KIAA0825: variants seen among roughly 807,000 people sequenced by gnomAD.
The protein encoded by KIAA0825 is uncharacterized protein KIAA0825.
In KIAA0825, 119 loss-of-function variants were observed where a neutral mutation model predicts 147.6. That is an observed-to-expected ratio of 0.81 (90% CI 0.69 to 0.94). The LOEUF is 0.94. KIAA0825 is among the 40% of genes least tolerant of loss of function. The pLI is 0.00. For missense variants in KIAA0825, 1,381 were observed against 1,472.7 expected (o/e 0.94, Z 1.02); for synonymous variants, 470 against 518.1 (o/e 0.91, Z 1.26).
At chr5:94,597,670 G>C (rs1246816568) in intron 1 of KIAA0825, among the ~76,000 whole-genome samples, 1 of 152,084 alleles carries the variant, frequency 6.6e-6, no homozygotes, top group Non-Finnish European at 1.5e-5. Flanking sequence ...ATTCTGAGAA[G>C]TGCATCATTA....
intron 5 of KIAA0825, among the ~76,000 whole-genome samples, chr5:94,501,802 C>T (rs1245853502): frequency 1.3e-5 from 2 of 151,724 alleles, no homozygotes; most frequent in African/African-American, 2.4e-5. Flanking sequence ...CTCTCTGGTC[C>T]GGGAATATCA....
At chr5:94,292,330 T>C (rs1777936331) in intron 20 of KIAA0825, among the ~76,000 whole-genome samples, 1 of 152,220 alleles carries the variant, frequency 6.6e-6, no homozygotes, top group African/African-American at 2.4e-5. Flanking sequence ...GCTGCTGAAT[T>C]TTATCAAAGG....
chr5:94,206,193 C>T (rs1284856807), intron 20 of KIAA0825, among the ~76,000 whole-genome samples: 1 of 152,052 alleles, frequency 6.6e-6, no homozygotes, highest in African/African-American at 2.4e-5. Context: ...TTTTTATTGC[C>T]TTTAATGAGG....
intron 19 of KIAA0825, among the ~76,000 whole-genome samples, 182 bp downstream of exon 19, chr5:94,386,060 C>T (rs1045683089): frequency 9.2e-5 from 14 of 151,920 alleles, no homozygotes; most frequent in African/African-American, 3.4e-4. Context: ...ATCAGTTTGA[C>T]AAATAGAAAA....
At chr5:94,425,917 G>T (rs1754795268) in intron 14 of KIAA0825, among the ~76,000 whole-genome samples, 1 of 151,940 alleles carries the variant, frequency 6.6e-6, no homozygotes, top group African/African-American at 2.4e-5. Flanking sequence ...TTTGAGAAAT[G>T]ACTCCCTAAA....
chr5:94,322,311 C>A (rs1780265592), intron 20 of KIAA0825, among the ~76,000 whole-genome samples: 1 of 151,398 alleles, frequency 6.6e-6, no homozygotes, highest in African/African-American at 2.4e-5. Context: ...GGTAAATAAC[C>A]TAAAAATCAG....
intron 12 of KIAA0825, among the ~76,000 whole-genome samples, chr5:94,458,823 A>C (rs1438053095): frequency 6.6e-6 from 1 of 152,024 alleles, no homozygotes; most frequent in Non-Finnish European, 1.5e-5. Context: ...AACTTTATTG[A>C]GATGTATAAT....
intron 4 of KIAA0825, among the ~76,000 whole-genome samples, chr5:94,523,605 T>C (rs923646009): frequency 1.3e-5 from 2 of 151,568 alleles, no homozygotes; most frequent in African/African-American, 2.4e-5. Context: ...ATAATGAATA[T>C]GAACTTTTCT....
At chr5:94,547,278 G>C (rs948219901) in intron 2 of KIAA0825, among the ~76,000 whole-genome samples, 1 of 151,766 alleles carries the variant, frequency 6.6e-6, no homozygotes, top group Non-Finnish European at 1.5e-5. Flanking sequence ...GAAAGAAAGG[G>C]GCAGAAAGTT....
Position 94,153,427 on chromosome 5 carries a change from A to C in KIAA0825, c.*580T>G, listed in dbSNP as rs1766746816. The C allele has an allele frequency of 6.6e-6, 1 of 152,104 alleles. No homozygotes were observed. 9.4% of individuals were successfully genotyped at this position (152,104 alleles called of 1,614,324 possible). A position where few individuals can be genotyped will look rare whatever the true frequency, so the allele number is the denominator to read the frequency against. On this transcript the variant is annotated 3_prime_UTR_variant, in exon 21 of 21. Transcript: ENST00000682413. The stretch of plus-strand genomic sequence containing the variant: ...ATGAGTAGAAATTTGATTCTGGTTT[A>C]GGAGGAAGACTGAAAACCACTACAA...
At chr5:94,238,316 G>A (rs1353229072) in intron 20 of KIAA0825, among the ~76,000 whole-genome samples, 1 of 152,154 alleles carries the variant, frequency 6.6e-6, no homozygotes, top group Non-Finnish European at 1.5e-5. Context: ...GGAAAAGTCA[G>A]TTGAAAGTGA....
intron 18 of KIAA0825, among the ~76,000 whole-genome samples, chr5:94,387,326 T>A (rs892596945): frequency 4.6e-5 from 7 of 152,208 alleles, no homozygotes; most frequent in African/African-American, 1.7e-4. Context: ...CTGGATCAGC[T>A]GAGTTAAGCC....
At chr5:94,561,161 G>A (rs1182109303) in intron 2 of KIAA0825, among the ~76,000 whole-genome samples, 4 of 152,162 alleles carry the variant, frequency 2.6e-5, no homozygotes, top group Non-Finnish European at 4.4e-5. Flanking sequence ...TTAATCAATC[G>A]TGTCTACATA....
At chr5:94,274,384 A>G (rs1777126360) in intron 20 of KIAA0825, among the ~76,000 whole-genome samples, 2 of 152,190 alleles carry the variant, frequency 1.3e-5, no homozygotes, top group South Asian at 4.1e-4. Flanking sequence ...TTACTACAAA[A>G]AGATTATTCA....
Position 94,281,397 on chromosome 5 carries a change from G to C in KIAA0825, c.3710+102971C>G, listed in dbSNP as rs556424328. On this transcript the variant is annotated intron_variant, in intron 20 of 20. Coordinates refer to ENST00000682413, the MANE Select transcript of KIAA0825 (RefSeq NM_001145678.3). ...AAGAATTCACAGCAGGGTTTTCCAA[G>C]TTGGCCACACATTAAAACCACCTGG... 2.8e-4 allele frequency among the ~76,000 whole-genome samples: 43 copies of C among 152,132 alleles called. 1 individual carries two copies. In the South Asian group the frequency reaches 8.9e-3, roughly 32 times the overall value.
At chr5:94,444,781 G>C (rs927379761) in intron 13 of KIAA0825, among the ~76,000 whole-genome samples, 1 of 152,066 alleles carries the variant, frequency 6.6e-6, no homozygotes, top group African/African-American at 2.4e-5. Context: ...ATCAATGATA[G>C]AATTCAGGGA....
intron 6 of KIAA0825, among the ~76,000 whole-genome samples, chr5:94,478,451 T>TCTCACACACACA (rs1554289711): frequency 9.4e-4 from 138 of 146,248 alleles, no homozygotes; most frequent in African/African-American, 3.3e-3. Flanking sequence ...CACATGTGCA[T>TCTCACACACACA]CACACACACA....
intron 1 of KIAA0825, among the ~76,000 whole-genome samples, chr5:94,583,524 G>A (rs1196275618): frequency 6.6e-6 from 1 of 152,212 alleles, no homozygotes; most frequent in African/African-American, 2.4e-5. Flanking sequence ...TGGCCCAGAA[G>A]CTCGAACTGG....
intron 1 of KIAA0825, 143 bp from the exon 2 acceptor site, chr5:94,582,726 T>C (rs750142659): frequency 2.1e-4 from 32 of 152,202 alleles, no homozygotes; most frequent in Non-Finnish European, 4.3e-4. Context: ...ATGTTGGAAA[T>C]ACACAAAAAC....
Sources: allele counts gnomAD v4.1 joint callset (sites outside exome capture counted in the v4.1 genomes callset), GRCh38; gene constraint gnomAD v4.1.1; transcripts MANE v1.5; gene names NCBI Gene and HGNC (gene_info 2026-07-23, HGNC 2026-07-21).